The following FREM1 variants were observed in gnomAD, a reference collection of about 807,000 sequenced individuals.
The protein encoded by FREM1 is FRAS1 related extracellular matrix 1.
In FREM1, 220 loss-of-function variants were observed where a neutral mutation model predicts 210.1. The ratio of observed to expected loss-of-function variants is 1.05; its 90% CI spans 0.94 to 1.17. FREM1 has a LOEUF of 1.17. FREM1 is among the 50% of genes most tolerant of loss of function. The pLI is 0.00. For synonymous variants in FREM1, 1,189 were observed against 980.2 expected (o/e 1.21, Z -3.98); for missense variants, 3,454 against 2,675.5 (o/e 1.29, Z -6.42).
intron 1 of FREM1, among the ~76,000 whole-genome samples, chr9:14,897,745 C>T (rs1838004104): frequency 6.6e-6 from 1 of 152,114 alleles, no homozygotes; most frequent in African/African-American, 2.4e-5. Context: ...CACTCGCCAC[C>T]ATGCCTGACT....
chr9:14,755,828 A>T (rs193113918), intron 29 of FREM1, among the ~76,000 whole-genome samples: 1 of 152,356 alleles, frequency 6.6e-6, no homozygotes, highest in African/African-American at 2.4e-5. Flanking sequence ...AATGGAACAC[A>T]CTTGAGAGCA....
At position 14,775,673 on chromosome 9, in the gene FREM1, A is replaced by G; in HGVS notation, c.4857+116T>C. On this transcript the variant is annotated intron_variant, in intron 25 of 36. Coordinates refer to ENST00000380880, the MANE Select transcript of FREM1 (RefSeq NM_001379081.2). ...AAGTGAGCCAAGATCACGCCACTGCACTGCAGCCTGGGTGACAGAGAGAGA... is the reference window on the plus strand; with the variant it reads ...AAGTGAGCCAAGATCACGCCACTGCGCTGCAGCCTGGGTGACAGAGAGAGA... 4 of 678,302 alleles carry G rather than the reference A, an allele frequency of 5.9e-6. No individual in the cohort carries two copies. In the South Asian group the frequency reaches 8.0e-5, roughly 14 times the overall value. 42.0% of individuals were successfully genotyped at this position (678,302 alleles called of 1,614,324 possible). A position where few individuals can be genotyped will look rare whatever the true frequency, so the allele number is the denominator to read the frequency against.
chr9:14,879,374 G>C (rs1199955182), intron 1 of FREM1, among the ~76,000 whole-genome samples: 2 of 152,062 alleles, frequency 1.3e-5, no homozygotes, highest in South Asian at 4.2e-4. Flanking sequence ...CTGATGATTG[G>C]CCAACTAGTC....
chr9:14,794,454 C>T (rs1462127735), intron 21 of FREM1, among the ~76,000 whole-genome samples: 3 of 152,134 alleles, frequency 2.0e-5, no homozygotes, highest in African/African-American at 7.2e-5. Context: ...AGCCCTGAGG[C>T]AGAAAAGTGG....
At chr9:14,863,781 A>G in intron 3 of FREM1, 28 bp downstream of exon 3, 1 of 1,402,408 alleles carries the variant, frequency 7.1e-7, no homozygotes, top group Non-Finnish European at 1.0e-6. Flanking sequence ...ACTTGGCAGC[A>G]AATGAGCGAT....
chr9:14,908,924 G>A (rs567614251), intron 1 of FREM1, among the ~76,000 whole-genome samples: 4 of 152,242 alleles, frequency 2.6e-5, no homozygotes, highest in South Asian at 2.1e-4. Flanking sequence ...GTTTCCTAGA[G>A]CTGCACTGAA....
intron 1 of FREM1, among the ~76,000 whole-genome samples, chr9:14,880,624 A>T (rs781415211): frequency 1.1e-4 from 16 of 150,606 alleles, no homozygotes; most frequent in Non-Finnish European, 1.6e-4. Flanking sequence ...AAAAAAAAGT[A>T]CAAAAATTAC....
At chr9:14,790,700 T>A (rs1159295717) in intron 22 of FREM1, 2 of 152,178 alleles carry the variant, frequency 1.3e-5, no homozygotes, top group African/African-American at 2.4e-5. Context: ...AAGAAAACGA[T>A]AACTCTTGGG....
At position 14,789,109 on chromosome 9, in the gene FREM1, C is replaced by T. The variant is rs767484328; in HGVS notation, c.3987G>A (p.Gly1329=). The T allele has an allele frequency of 2.5e-6, 4 of 1,582,338 alleles. No homozygotes were observed. In the East Asian group the frequency reaches 6.9e-5, roughly 27 times the overall value. ...PQNGQLQLKI[G]RDWVPLSPGM... ...CAGGGGAGAGAGGAACCCAGTCCCT[C>T]CCTATCTGGAAGGAGCCAGAGTTAG... The change falls in exon 23 of 37, where the codon GGG becomes GGA. Residue 1329 remains glycine, a synonymous_variant. Coordinates refer to ENST00000380880, the MANE Select transcript of FREM1 (RefSeq NM_001379081.2).
chr9:14,776,003 T>C lies in FREM1; in HGVS notation c.4643A>G (p.Gln1548Arg), dbSNP rs779728486. Reference sequence around the variant, plus strand: ...GTAGAGCTGGCCATGCTGGGGGAGCTGAACCAAGAGGAAGGTGAGGTTCTC... The same window carrying C: ...GTAGAGCTGGCCATGCTGGGGGAGCCGAACCAAGAGGAAGGTGAGGTTCTC... Reference protein sequence around the residue: ...PAENLTFLLVQLPQHGQLYLW... With the variant: ...PAENLTFLLVRLPQHGQLYLW... Residue 1548 changes from glutamine to arginine, a missense_variant, in exon 25 of 37, where the codon CAG becomes CGG. Physicochemically the swap from Gln to Arg is conservative, Grantham distance 43 (BLOSUM62 1). Transcript: ENST00000380880. 13 of 1,614,000 alleles carry C rather than the reference T, an allele frequency of 8.1e-6. No homozygotes were observed. In the South Asian group the frequency reaches 1.4e-4, roughly 18 times the overall value.
At chr9:14,891,784 AAAGAATC>A (rs748027956) in intron 1 of FREM1, among the ~76,000 whole-genome samples, 2 of 152,230 alleles carry the variant, frequency 1.3e-5, no homozygotes, top group Non-Finnish European at 2.9e-5. Context: ...TAGCATAGTC[AAAGAATC>A]AACAAGTAGG....
At chr9:14,895,961 C>G (rs973309017) in intron 1 of FREM1, among the ~76,000 whole-genome samples, 2 of 152,124 alleles carry the variant, frequency 1.3e-5, no homozygotes, top group Non-Finnish European at 2.9e-5. Flanking sequence ...GTAACTCCAA[C>G]TTGAATAGGA....
chr9:14,902,795 G>C (rs1460797531), intron 1 of FREM1, among the ~76,000 whole-genome samples: 1 of 152,164 alleles, frequency 6.6e-6, no homozygotes, highest in Non-Finnish European at 1.5e-5. Context: ...TCTAAGTCCA[G>C]AGTATATTAC....
chr9:14,840,674 G>C (rs1237269492), intron 10 of FREM1, among the ~76,000 whole-genome samples: 1 of 152,098 alleles, frequency 6.6e-6, no homozygotes. Context: ...ATGAGATTTG[G>C]GTGGGGACAC....
chr9:14,813,532 G>A (rs1819764708), intron 15 of FREM1, among the ~76,000 whole-genome samples: 1 of 152,106 alleles, frequency 6.6e-6, no homozygotes, highest in Non-Finnish European at 1.5e-5. Context: ...TGCCACCCAG[G>A]AAGTTTCTCT....
chr9:14,887,334 G>A (rs1335334335), intron 1 of FREM1, among the ~76,000 whole-genome samples: 2 of 152,210 alleles, frequency 1.3e-5, no homozygotes, highest in African/African-American at 4.8e-5. Context: ...CAGCAGGAGA[G>A]CAGAGCTGTG....
At chr9:14,890,630 G>A (rs1312983542) in intron 1 of FREM1, among the ~76,000 whole-genome samples, 2 of 152,182 alleles carry the variant, frequency 1.3e-5, no homozygotes, top group Non-Finnish European at 2.9e-5. Flanking sequence ...AGAATGGCCA[G>A]AGGGTATCTA....
chr9:14,790,016 G>T (rs1400743317), intron 22 of FREM1, among the ~76,000 whole-genome samples: 1 of 151,996 alleles, frequency 6.6e-6, no homozygotes, highest in African/African-American at 2.4e-5. Context: ...TGGTTTTACT[G>T]TCTCATTTAA....
At chr9:14,878,793 A>C (rs890303462) in intron 1 of FREM1, among the ~76,000 whole-genome samples, 1 of 152,212 alleles carries the variant, frequency 6.6e-6, no homozygotes, top group Non-Finnish European at 1.5e-5. Flanking sequence ...TGGAGAAAAC[A>C]ATGCCTTAAA....
Sources: allele counts gnomAD v4.1 joint callset (sites outside exome capture counted in the v4.1 genomes callset), GRCh38; gene constraint gnomAD v4.1.1; transcripts MANE v1.5; gene names NCBI Gene and HGNC (gene_info 2026-07-23, HGNC 2026-07-21).